The following FBXL18 variants were observed in gnomAD, a reference collection of about 807,000 sequenced individuals.
The protein encoded by FBXL18 is F-box/LRR-repeat protein 18.
A neutral mutation model predicts 46.0 loss-of-function variants in FBXL18; 36 were observed. That is an observed-to-expected ratio of 0.78 (90% CI 0.60 to 1.03). The LOEUF (loss-of-function observed/expected upper bound fraction) is 1.03, where lower values mean the gene tolerates loss of function less well. FBXL18 is among the 50% of genes least tolerant of loss of function. The pLI, the probability that FBXL18 is intolerant of heterozygous loss-of-function variation, is 0.00. For missense variants in FBXL18, 977 were observed against 1,004.1 expected (o/e 0.97, Z 0.36); for synonymous variants, 557 against 465.3 (o/e 1.20, Z -2.54).
At chr7:5,469,909 T>C (rs1783401703) in intron 4 of FBXL18, among the ~76,000 whole-genome samples, 2 of 151,642 alleles carry the variant, frequency 1.3e-5, no homozygotes, top group Admixed American at 6.6e-5. Flanking sequence ...TGTGTGTGGG[T>C]GTGGTGTGTG....
At position 5,500,920 on chromosome 7, in the gene FBXL18, T is replaced by C. The variant is rs1327395943; in HGVS notation, c.1349A>G (p.Lys450Arg). 7.7e-6 allele frequency: 12 copies of C among 1,567,838 alleles called. No homozygotes were observed. The highest frequency in any genetic ancestry group is 1.4e-5 in the African/African-American group (1 of 73,668). ...GGACTGCACGCCCACACGCACTTTCTTGCCAAAGCCGCGCGGCACTGCGTG... is the reference window on the plus strand; with the variant it reads ...GGACTGCACGCCCACACGCACTTTCCTGCCAAAGCCGCGCGGCACTGCGTG... ...AMHAVPRGFG[K>R]KVRVGVQSCP... The change falls in exon 3 of 5, where the codon AAG becomes AGG. Residue 450 changes from lysine (K) to arginine (R), a missense_variant. Lys to Arg is a conservative substitution (Grantham distance 26). Transcript: ENST00000382368.
chr7:5,461,861 A>C (rs1170484128), intron 4 of FBXL18, among the ~76,000 whole-genome samples: 2 of 152,076 alleles, frequency 1.3e-5, no homozygotes, highest in Admixed American at 6.6e-5. Context: ...GAATCACTTG[A>C]GCTTGGGAGG....
rs946619801 is a variant in FBXL18 at position 5,500,568 on chromosome 7, G to A, written c.1701C>T (p.Asn567=). 9.3e-6 allele frequency: 15 copies of A among 1,613,568 alleles called. No individual in the cohort carries two copies. The highest frequency in any genetic ancestry group is 1.7e-4 in the Middle Eastern group (1 of 6,058). Residue 567 remains asparagine, a synonymous_variant, in exon 3 of 5, where the codon AAC becomes AAT. Transcript: ENST00000382368. ...ACACCACCTTCCCCATCATGCCCAG[G>A]TTGGCCAGCGACAGGGACCGCAACT... The part of the protein sequence containing the change: ...CQQLRSLSLA[N]LGMMGKVVYM...
intron 4 of FBXL18, among the ~76,000 whole-genome samples, chr7:5,468,866 A>G (rs1362498364): frequency 6.6e-6 from 1 of 152,140 alleles, no homozygotes; most frequent in African/African-American, 2.4e-5. Flanking sequence ...CTCCCAAAGT[A>G]CTGGGATTAC....
chr7:5,482,028 C>A (rs570883811), intron 4 of FBXL18, 97 bp from the exon 5 acceptor site: 9 of 1,413,950 alleles, frequency 6.4e-6, no homozygotes, highest in African/African-American at 1.4e-5. Context: ...CCTGCCTCCC[C>A]GTCCCGGGCT....
chr7:5,498,938 C>T (rs759682970), intron 3 of FBXL18, among the ~76,000 whole-genome samples: 1 of 152,166 alleles, frequency 6.6e-6, no homozygotes, highest in East Asian at 1.9e-4. Flanking sequence ...CTCAAGTTAA[C>T]GAATTCTTAT....
Position 5,501,124 on chromosome 7 carries a change from C to T in FBXL18, c.1145G>A (p.Cys382Tyr), listed in dbSNP as rs1034050801. 1 of 1,612,750 alleles carries T rather than the reference C, an allele frequency of 6.2e-7. No homozygotes were observed. Among genetic ancestry groups the T allele is most frequent in the Non-Finnish European group, 8.5e-7 (1 of 1,179,778 alleles). The change falls in exon 3 of 5, where the codon TGC becomes TAC. Residue 382 changes from cysteine (C) to tyrosine (Y), a missense_variant. By Grantham distance (194) the Cys-to-Tyr change is radical. Coordinates refer to ENST00000382368, the MANE Select transcript of FBXL18 (RefSeq NM_024963.6). ...SSILETLVASCCNLRHLNLSA... is the reference protein window; with the variant it reads ...SSILETLVASYCNLRHLNLSA... Reference sequence around the variant, plus strand: ...GAGGTTCAGGTGGCGCAGGTTGCAGCAGGACGCCACCAGAGTCTCCAGGAT... The same window carrying T: ...GAGGTTCAGGTGGCGCAGGTTGCAGTAGGACGCCACCAGAGTCTCCAGGAT...
chr7:5,469,426 A>G (rs1562675322), intron 4 of FBXL18, among the ~76,000 whole-genome samples: 1 of 152,180 alleles, frequency 6.6e-6, no homozygotes, highest in Non-Finnish European at 1.5e-5. Flanking sequence ...AATTTTTTTA[A>G]AAGAATGTGA....
chr7:5,465,872 C>G (rs890096836), intron 4 of FBXL18, among the ~76,000 whole-genome samples: 1 of 150,568 alleles, frequency 6.6e-6, no homozygotes, highest in Non-Finnish European at 1.5e-5. Flanking sequence ...GTCTGGAGTG[C>G]AGGGGCACAA....
chr7:5,502,561 T>G lies in FBXL18; in HGVS notation c.238-530A>C, dbSNP rs10256631. ...AAAAGAAAAAAAAGGCCGGGCCCGG[T>G]GGCTCACGCCTGGAATCCCAGCACT... On this transcript the variant is annotated intron_variant, in intron 2 of 4. Coordinates refer to ENST00000382368, the MANE Select transcript of FBXL18 (RefSeq NM_024963.6). Among the ~76,000 whole-genome samples the G allele has an allele frequency of 2.4e-3, 358 of 150,922 alleles. 1 individual carries two copies. Among genetic ancestry groups the G allele is most frequent in the African/African-American group, 8.4e-3 (343 of 40,924 alleles).
intron 4 of FBXL18, among the ~76,000 whole-genome samples, chr7:5,466,739 G>C (rs915092651): frequency 6.6e-6 from 1 of 152,112 alleles, no homozygotes; most frequent in Non-Finnish European, 1.5e-5. Flanking sequence ...GCCGTGCCAC[G>C]ACCCAGCCAA....
At position 5,486,879 on chromosome 7, in the gene FBXL18, G is replaced by A. The variant is rs10225763; in HGVS notation, c.2000+4352C>T. 8.2e-3 allele frequency among the ~76,000 whole-genome samples: 1,253 copies of A among 152,342 alleles called. 15 individuals are homozygous for A. Among genetic ancestry groups the A allele is most frequent in the African/African-American group, 0.029 (1,186 of 41,562 alleles). ...GGCCACCCAGGGAGAGGACGGGTGA[G>A]CCGCACAACAGCCCGGGGCCAGGTC... On this transcript the variant is annotated intron_variant, in intron 4 of 4. Coordinates refer to ENST00000382368, the MANE Select transcript of FBXL18 (RefSeq NM_024963.6).
At chr7:5,471,435 C>A (rs995942463), downstream of FBXL18, among the ~76,000 whole-genome samples, 1 of 152,306 alleles carries the variant, frequency 6.6e-6, no homozygotes, top group Non-Finnish European at 1.5e-5. Context: ...CGCCACCACA[C>A]CCAGTTAATT....
Position 5,481,483 on chromosome 7 carries a change from A to T in FBXL18, c.*292T>A. 2 of 336,998 alleles carry T rather than the reference A, an allele frequency of 5.9e-6. No individual in the cohort carries two copies. The highest frequency in any genetic ancestry group is 1.1e-5 in the Non-Finnish European group (2 of 178,960). The allele number at this position is 336,998 out of a possible 1,614,324, so 20.9% of individuals were successfully genotyped here. A position where few individuals can be genotyped will look rare whatever the true frequency, so the allele number is the denominator to read the frequency against. ...GCCCCCAGGGATTGCGGCTCAGTATACAAACCCCCCAGCCAGGCCCCAAGG... is the reference window on the plus strand; with the variant it reads ...GCCCCCAGGGATTGCGGCTCAGTATTCAAACCCCCCAGCCAGGCCCCAAGG... On this transcript the variant is annotated 3_prime_UTR_variant, in exon 5 of 5. Coordinates refer to ENST00000382368, the MANE Select transcript of FBXL18 (RefSeq NM_024963.6).
chr7:5,493,358 G>C (rs986297929), intron 3 of FBXL18, among the ~76,000 whole-genome samples: 1 of 152,086 alleles, frequency 6.6e-6, no homozygotes, highest in Non-Finnish European at 1.5e-5. Flanking sequence ...CTGGAGTGCA[G>C]TGGCGTGATC....
chr7:5,472,624 G>A (rs1000013631), downstream of FBXL18, among the ~76,000 whole-genome samples: 2 of 152,140 alleles, frequency 1.3e-5, no homozygotes, highest in African/African-American at 2.4e-5. Flanking sequence ...AGGCCACATG[G>A]AGGTGTTCTG....
At chr7:5,474,232 G>T (rs1467166061), downstream of FBXL18, among the ~76,000 whole-genome samples, 5 of 152,100 alleles carry the variant, frequency 3.3e-5, no homozygotes, top group Non-Finnish European at 5.9e-5. Context: ...TGGGAAAGAT[G>T]AGAAAGTTCT....
intron 4 of FBXL18, among the ~76,000 whole-genome samples, chr7:5,488,146 C>T (rs1377596964): frequency 6.6e-6 from 1 of 152,240 alleles, no homozygotes; most frequent in Non-Finnish European, 1.5e-5. Flanking sequence ...CTGCATCCAC[C>T]TTAGATCATC....
chr7:5,480,521 G>A lies in FBXL18; in HGVS notation c.*1254C>T, dbSNP rs986384422. ...TGGGCTCAAGTGATCCTCCCAAAGTGTGTTGAATATATATATATATATATA... is the reference window on the plus strand; with the variant it reads ...TGGGCTCAAGTGATCCTCCCAAAGTATGTTGAATATATATATATATATATA... On this transcript the variant is annotated 3_prime_UTR_variant, in exon 5 of 5. Coordinates refer to ENST00000382368, the MANE Select transcript of FBXL18 (RefSeq NM_024963.6). 2 of 140,852 alleles carry A rather than the reference G, an allele frequency of 1.4e-5. No homozygotes were observed. The highest frequency in any genetic ancestry group is 3.0e-5 in the Non-Finnish European group (2 of 66,144). 8.7% of individuals were successfully genotyped at this position (140,852 alleles called of 1,614,324 possible). A position where few individuals can be genotyped will look rare whatever the true frequency, so the allele number is the denominator to read the frequency against.
Sources: allele counts gnomAD v4.1 joint callset (sites outside exome capture counted in the v4.1 genomes callset), GRCh38; gene constraint gnomAD v4.1.1; transcripts MANE v1.5; gene names NCBI Gene and HGNC (gene_info 2026-07-23, HGNC 2026-07-21).